Variants in DOK6 observed in about 807,000 individuals in gnomAD.
DOK6 encodes docking protein 6.
In DOK6, 22 loss-of-function variants were observed where a neutral mutation model predicts 44.0. The observed-to-expected ratio is 0.50, with a 90% CI of 0.36 to 0.71. DOK6 has a LOEUF of 0.71. DOK6 is among the 30% of genes least tolerant of loss of function. DOK6 has a pLI of 0.00. For synonymous variants in DOK6, 166 were observed against 145.5 expected (o/e 1.14, Z -1.01); for missense variants, 340 against 416.4 (o/e 0.82, Z 1.60).
chr18:69,787,852 A>T (rs1980478788), intron 7 of DOK6, among the ~76,000 whole-genome samples: 1 of 152,222 alleles, frequency 6.6e-6, no homozygotes, highest in African/African-American at 2.4e-5. Flanking sequence ...AAAAGGTTGC[A>T]ATTAATCTGC....
Position 69,418,620 on chromosome 18 carries a change from C to T in DOK6, c.66+17310C>T, listed in dbSNP as rs538783181. Among the ~76,000 whole-genome samples the T allele has an allele frequency of 1.6e-4, 24 of 152,046 alleles. 1 individual carries two copies. The South Asian group carries it at 3.7e-3, about 24-fold the overall frequency. On this transcript the variant is annotated intron_variant, in intron 1 of 7. Transcript: ENST00000382713. ...GGGACTACAGGCACGTGCCACTTTG[C>T]CCAGCTAATTTCTTTTCTTTTCTTT...
At chr18:69,474,000 C>G (rs946417588) in intron 1 of DOK6, among the ~76,000 whole-genome samples, 10 of 152,182 alleles carry the variant, frequency 6.6e-5, no homozygotes, top group Non-Finnish European at 1.2e-4. Context: ...AGCCTTCAGA[C>G]TCAATGACAC....
At chr18:69,824,145 T>G (rs912481285) in intron 7 of DOK6, among the ~76,000 whole-genome samples, 55 of 151,546 alleles carry the variant, frequency 3.6e-4, no homozygotes, top group Non-Finnish European at 6.0e-4. Context: ...GCTGCACCCA[T>G]TAACTCGTCA....
rs1204427784 is a variant in DOK6 at position 69,450,528 on chromosome 18, G to C, written c.66+49218G>C. 3.8e-4 allele frequency among the ~76,000 whole-genome samples: 51 copies of C among 132,998 alleles called. No individual in the cohort carries two copies. In the East Asian group the frequency reaches 0.012, roughly 31 times the overall value. 87.3% of individuals were successfully genotyped at this position (132,998 alleles called of 152,430 possible). On this transcript the variant is annotated intron_variant, in intron 1 of 7. Transcript: ENST00000382713. ...AGAACTTCCCCAATCTAGCAAGGCA[G>C]GCCAACGTTCAGATTCAGGAAATAC... is the stretch of plus-strand genomic sequence containing the variant.
chr18:69,525,736 G>A (rs2144568338), intron 1 of DOK6, among the ~76,000 whole-genome samples: 1 of 152,124 alleles, frequency 6.6e-6, no homozygotes, highest in Non-Finnish European at 1.5e-5. Context: ...TGCCACTGTA[G>A]CATAAAAGTA....
chr18:69,556,805 C>T (rs906020343), intron 1 of DOK6, among the ~76,000 whole-genome samples: 1 of 152,178 alleles, frequency 6.6e-6, no homozygotes, highest in Non-Finnish European at 1.5e-5. Context: ...AAACTCATTT[C>T]TCTATTGAAA....
At chr18:69,740,282 C>T (rs1978758764) in intron 6 of DOK6, among the ~76,000 whole-genome samples, 2 of 152,162 alleles carry the variant, frequency 1.3e-5, no homozygotes, top group African/African-American at 4.8e-5. Flanking sequence ...ACCATTGTAA[C>T]AATTATCTAA....
chr18:69,774,058 T>C (rs1979968434), intron 7 of DOK6, among the ~76,000 whole-genome samples: 2 of 143,824 alleles, frequency 1.4e-5, no homozygotes, highest in African/African-American at 5.0e-5. Context: ...GAGATATATA[T>C]ATATAGATAT....
intron 1 of DOK6, among the ~76,000 whole-genome samples, chr18:69,482,466 A>C (rs1293195041): frequency 2.0e-5 from 3 of 152,062 alleles, no homozygotes; most frequent in African/African-American, 7.3e-5. Flanking sequence ...TGGGGAAAGA[A>C]TTGAAGAAAA....
At chr18:69,558,629 CTTAA>C (rs1325693871) in intron 1 of DOK6, among the ~76,000 whole-genome samples, 5 of 152,002 alleles carry the variant, frequency 3.3e-5, no homozygotes, top group African/African-American at 1.2e-4. Context: ...TCAAACATAA[CTTAA>C]TTAAGACAAA....
chr18:69,799,501 C>T (rs768428087), intron 7 of DOK6, among the ~76,000 whole-genome samples: 4 of 152,026 alleles, frequency 2.6e-5, no homozygotes, highest in Non-Finnish European at 4.4e-5. Context: ...AATGTTTCTT[C>T]ATTAACTCCG....
chr18:69,567,027 G>T (rs1205902633), intron 2 of DOK6, among the ~76,000 whole-genome samples: 1 of 152,324 alleles, frequency 6.6e-6, no homozygotes, highest in East Asian at 1.9e-4. Context: ...TTATCTTACA[G>T]ATTGCCTCTT....
chr18:69,678,067 G>A (rs981049283), intron 4 of DOK6, among the ~76,000 whole-genome samples: 1 of 151,960 alleles, frequency 6.6e-6, no homozygotes, highest in African/African-American at 2.4e-5. Flanking sequence ...TGGGCAACAT[G>A]GTAAAACCTC....
At chr18:69,682,978 T>C (rs544937359) in intron 4 of DOK6, among the ~76,000 whole-genome samples, 8 of 152,342 alleles carry the variant, frequency 5.3e-5, no homozygotes, top group African/African-American at 1.7e-4. Flanking sequence ...AACCAGTTAA[T>C]GACAAAACAA....
chr18:69,518,189 C>T (rs1264092744), intron 1 of DOK6, among the ~76,000 whole-genome samples: 2 of 151,990 alleles, frequency 1.3e-5, no homozygotes, highest in African/African-American at 4.8e-5. Flanking sequence ...AATTTGTTTC[C>T]ATAATATTAC....
intron 3 of DOK6, among the ~76,000 whole-genome samples, chr18:69,615,987 C>T (rs947569657): frequency 6.6e-6 from 1 of 152,102 alleles, no homozygotes; most frequent in South Asian, 2.1e-4. Context: ...GAAATGAGTT[C>T]CCAGTGGGAG....
intron 3 of DOK6, among the ~76,000 whole-genome samples, chr18:69,677,202 A>G (rs1016344888): frequency 3.9e-5 from 6 of 152,104 alleles, no homozygotes; most frequent in Non-Finnish European, 7.4e-5. Flanking sequence ...TCAGGAAAAC[A>G]TTCATTTGTT....
At chr18:69,698,369 T>TA (rs1373534346) in intron 4 of DOK6, 35 bp from the exon 5 acceptor site, 1 of 1,565,708 alleles carries the variant, frequency 6.4e-7, no homozygotes. Context: ...ACACCTCTTT[T>TA]CACTTAACCT....
At chr18:69,463,066 C>A (rs1474001080) in intron 1 of DOK6, among the ~76,000 whole-genome samples, 1 of 152,180 alleles carries the variant, frequency 6.6e-6, no homozygotes, top group Non-Finnish European at 1.5e-5. Context: ...TTATGTACAA[C>A]AGAAATGTGT....
Sources: allele counts gnomAD v4.1 joint callset (sites outside exome capture counted in the v4.1 genomes callset), GRCh38; gene constraint gnomAD v4.1.1; transcripts MANE v1.5; gene names NCBI Gene and HGNC (gene_info 2026-07-23, HGNC 2026-07-21).